The following MYO3B variants were observed in gnomAD, a reference collection of about 807,000 sequenced individuals.
MYO3B encodes myosin-IIIb.
A neutral mutation model predicts 174.6 loss-of-function variants in MYO3B; 156 were observed. The ratio of observed to expected loss-of-function variants is 0.89; its 90% CI spans 0.78 to 1.02. The LOEUF (loss-of-function observed/expected upper bound fraction) is 1.02, where lower values mean the gene tolerates loss of function less well. Ranked by LOEUF, MYO3B falls within the 50% of genes least tolerant of loss-of-function variation. MYO3B has a pLI of 0.00. For missense variants in MYO3B, 1,632 were observed against 1,639.4 expected, an observed-to-expected ratio of 1.00 and a Z score of 0.08; for synonymous variants, 563 against 569.1, an observed-to-expected ratio of 0.99 and a Z score of 0.15.
intron 22 of MYO3B, among the ~76,000 whole-genome samples, chr2:170,410,924 T>C (rs1338125435): frequency 2.0e-5 from 3 of 152,102 alleles, no homozygotes; most frequent in Admixed American, 1.3e-4. Context: ...AGCGCATGGC[T>C]AGAGTCCCAG....
At chr2:170,589,115 T>C (rs140585965) in intron 32 of MYO3B, among the ~76,000 whole-genome samples, 1 of 151,944 alleles carries the variant, frequency 6.6e-6, no homozygotes, top group African/African-American at 2.4e-5. Context: ...CAGGAGAAGA[T>C]GAAAAAAAGA....
At chr2:170,436,939 A>G (rs905346997) in intron 22 of MYO3B, among the ~76,000 whole-genome samples, 33 of 152,164 alleles carry the variant, frequency 2.2e-4, no homozygotes, top group African/African-American at 7.5e-4. Flanking sequence ...TGAACAGTTC[A>G]CAGCAAATAA....
chr2:170,210,845 C>G (rs2092761954), intron 3 of MYO3B, among the ~76,000 whole-genome samples: 1 of 152,188 alleles, frequency 6.6e-6, no homozygotes. Context: ...CACTTGTCTT[C>G]CATTAGACCA....
rs868801400 is a variant in MYO3B at position 170,576,070 on chromosome 2, C to G, written c.3733+32082C>G. Among the ~76,000 whole-genome samples, 4 of 152,194 alleles carry G rather than the reference C, an allele frequency of 2.6e-5. No individual in the cohort carries two copies. In the South Asian group the frequency reaches 8.3e-4, roughly 31 times the overall value. ...GTCCCCAGACTCCCTATGCAGTGCT[C>G]TTTCTTTAAAGAATTTAACAATTCA... is the stretch of plus-strand genomic sequence containing the variant. On this transcript the variant is annotated intron_variant, in intron 32 of 34. Transcript: ENST00000408978.
intron 16 of MYO3B, among the ~76,000 whole-genome samples, chr2:170,397,597 A>C (rs549282572): frequency 6.6e-6 from 1 of 152,358 alleles, no homozygotes; most frequent in East Asian, 1.9e-4. Context: ...GAGCTTAGAT[A>C]ATCGGAACCG....
intron 32 of MYO3B, among the ~76,000 whole-genome samples, chr2:170,583,997 C>T (rs1218177362): frequency 1.3e-5 from 2 of 152,224 alleles, no homozygotes; most frequent in African/African-American, 4.8e-5. Flanking sequence ...TTTCTCCTCT[C>T]CTGTCCCTGT....
Position 170,382,051 on chromosome 2 carries a change from T to C in MYO3B, c.1007T>C (p.Val336Ala), listed in dbSNP as rs2094339726. The change falls in exon 10 of 35, where the codon GTG becomes GCG. Residue 336 changes from valine (V) to alanine (A), a missense_variant. Transcript: ENST00000408978. ...ATGCATACCAGAAGACCTTATCATGTGGAAGATGCTGAAAAATACTGCCTT... is the reference window on the plus strand; with the variant it reads ...ATGCATACCAGAAGACCTTATCATGCGGAAGATGCTGAAAAATACTGCCTT... ...ERMHTRRPYH[V>A]EDAEKYCLED... is the part of the protein sequence containing the mutation. The C allele has an allele frequency of 2.5e-6, 4 of 1,613,664 alleles. No homozygotes were observed. Among genetic ancestry groups the C allele is most frequent in the East Asian group, 4.5e-5 (2 of 44,862 alleles).
chr2:170,363,344 A>G (rs761875183), intron 8 of MYO3B, among the ~76,000 whole-genome samples: 1 of 152,104 alleles, frequency 6.6e-6, no homozygotes, highest in Non-Finnish European at 1.5e-5. Context: ...CAGCTGCTCT[A>G]TATCAAGTGT....
intron 25 of MYO3B, among the ~76,000 whole-genome samples, chr2:170,467,153 A>C (rs913848653): frequency 7.9e-5 from 12 of 152,156 alleles, no homozygotes; most frequent in Admixed American, 7.9e-4. Context: ...ACTATTCTAA[A>C]ATGTATTATC....
At chr2:170,421,442 C>T (rs1270683401) in intron 22 of MYO3B, among the ~76,000 whole-genome samples, 1 of 152,180 alleles carries the variant, frequency 6.6e-6, no homozygotes, top group Non-Finnish European at 1.5e-5. Context: ...GGCTAAAGTA[C>T]AGATCTTTAA....
chr2:170,531,336 G>T (rs1220195543), intron 30 of MYO3B, among the ~76,000 whole-genome samples: 3 of 152,148 alleles, frequency 2.0e-5, no homozygotes, highest in Non-Finnish European at 4.4e-5. Context: ...TTTCCTGGGG[G>T]TTTTCTACAC....
chr2:170,542,483 C>T (rs1690180976), intron 30 of MYO3B, among the ~76,000 whole-genome samples: 1 of 152,200 alleles, frequency 6.6e-6, no homozygotes, highest in Non-Finnish European at 1.5e-5. Flanking sequence ...CTACGCCCAA[C>T]CTAACATTCC....
chr2:170,565,175 T>C (rs1295102620), intron 32 of MYO3B, among the ~76,000 whole-genome samples: 1 of 152,158 alleles, frequency 6.6e-6, no homozygotes, highest in Non-Finnish European at 1.5e-5. Flanking sequence ...ACAAAAAAGA[T>C]AGTACATGGG....
intron 32 of MYO3B, among the ~76,000 whole-genome samples, chr2:170,649,660 C>G (rs141394328): frequency 0.014 from 2,151 of 150,342 alleles, 90 homozygotes; most frequent in Admixed American, 0.075. Flanking sequence ...AACCCCATCT[C>G]TACAAAAAAT....
intron 6 of MYO3B, among the ~76,000 whole-genome samples, chr2:170,229,468 G>A (rs2092990745): frequency 6.6e-6 from 1 of 152,168 alleles, no homozygotes; most frequent in Non-Finnish European, 1.5e-5. Context: ...TGAGAAATCA[G>A]AACATAGAAG....
Position 170,514,988 on chromosome 2 carries a change from G to C in MYO3B, c.3438G>C (p.Glu1146Asp). 1 of 1,614,076 alleles carries C rather than the reference G, an allele frequency of 6.2e-7. No homozygotes were observed. The change falls in exon 29 of 35, where the codon GAG becomes GAC. Residue 1146 changes from glutamate to aspartate, a missense_variant. Transcript: ENST00000408978. The stretch of plus-strand genomic sequence containing the variant: ...CAGCAGGTACGAGGGGAAGTGCCGA[G>C]GTTCAAGACTGCAGCGAGCCTGGTG... ...PVAAGTRGSA[E>D]VQDCSEPGDH...
chr2:170,469,594 C>T (rs1444027233), intron 25 of MYO3B, among the ~76,000 whole-genome samples: 1 of 152,158 alleles, frequency 6.6e-6, no homozygotes, highest in Non-Finnish European at 1.5e-5. Context: ...TTCCTTCACT[C>T]TCTCTCTTCC....
intron 30 of MYO3B, among the ~76,000 whole-genome samples, chr2:170,536,642 T>A (rs1032060030): frequency 3.5e-4 from 54 of 152,192 alleles, no homozygotes; most frequent in Non-Finnish European, 6.5e-4. Flanking sequence ...AGGAATAATG[T>A]TTTTCCTCTT....
intron 7 of MYO3B, among the ~76,000 whole-genome samples, chr2:170,250,105 A>G (rs1213444452): frequency 6.6e-6 from 1 of 152,228 alleles, no homozygotes; most frequent in East Asian, 1.9e-4. Flanking sequence ...ATTATTGACG[A>G]TGAGCCCTCT....
Sources: allele counts gnomAD v4.1 joint callset (sites outside exome capture counted in the v4.1 genomes callset), GRCh38; gene constraint gnomAD v4.1.1; transcripts MANE v1.5; gene names NCBI Gene and HGNC (gene_info 2026-07-23, HGNC 2026-07-21).